The following ERC1 variants were observed in gnomAD, a reference collection of about 807,000 sequenced individuals.
The protein encoded by ERC1 is RAB6 interacting protein 2.
Under a neutral mutation model 132.0 loss-of-function variants are expected in ERC1, and 56 were observed. That is an observed-to-expected ratio of 0.42 (90% CI 0.34 to 0.53). ERC1 has a LOEUF of 0.53. Ranked by LOEUF, ERC1 falls within the 20% of genes least tolerant of loss-of-function variation. The pLI is 0.03. For synonymous variants in ERC1, 478 were observed against 476.1 expected (o/e 1.00, Z -0.05); for missense variants, 1,202 against 1,349.9 (o/e 0.89, Z 1.72).
At chr12:1,199,751 CT>C (rs1324338114) in intron 12 of ERC1, among the ~76,000 whole-genome samples, 1 of 151,264 alleles carries the variant, frequency 6.6e-6, no homozygotes, top group African/African-American at 2.4e-5. Context: ...GCACTTCAGC[CT>C]GGGCAACAAG....
At chr12:1,109,428 A>G (rs1945610574) in intron 4 of ERC1, among the ~76,000 whole-genome samples, 1 of 152,178 alleles carries the variant, frequency 6.6e-6, no homozygotes, top group Admixed American at 6.5e-5. Flanking sequence ...ACGTTACTGT[A>G]TAAATCTTTG....
intron 12 of ERC1, among the ~76,000 whole-genome samples, chr12:1,225,324 C>T (rs995556838): frequency 6.6e-6 from 1 of 151,376 alleles, no homozygotes; most frequent in African/African-American, 2.4e-5. Context: ...GTGATGTGTG[C>T]CTATAGTCCC....
intron 15 of ERC1, among the ~76,000 whole-genome samples, chr12:1,333,356 T>C (rs1372799066): frequency 1.5e-5 from 2 of 131,556 alleles, no homozygotes; most frequent in Non-Finnish European, 3.2e-5. Flanking sequence ...TTTTTTGAGA[T>C]GGAGTCTCAC....
intron 8 of ERC1, among the ~76,000 whole-genome samples, chr12:1,142,578 C>T (rs541725701): frequency 9.2e-5 from 14 of 152,252 alleles, no homozygotes; most frequent in Admixed American, 8.5e-4. Flanking sequence ...AGAGACTGTA[C>T]CAAGTTTCAT....
intron 8 of ERC1, among the ~76,000 whole-genome samples, chr12:1,164,294 GTTATTTTATT>G (rs925886313): frequency 7.5e-6 from 1 of 134,032 alleles, no homozygotes; most frequent in Non-Finnish European, 1.5e-5. Flanking sequence ...ATTTTATTTT[GTTATTTTATT>G]TTATGTTATT....
chr12:1,068,962 GTTGT>G (rs151156229), intron 2 of ERC1, among the ~76,000 whole-genome samples: 2,525 of 152,170 alleles, frequency 0.017, 62 homozygotes, highest in African/African-American at 0.058. Context: ...TTGGCGAATG[GTTGT>G]TTGTTTAAAT....
chr12:1,448,876 G>A (rs732064), intron 18 of ERC1, among the ~76,000 whole-genome samples: 15,169 of 152,256 alleles, frequency 0.1, 2,522 homozygotes, highest in African/African-American at 0.34. Flanking sequence ...TGCACCTTGC[G>A]CCGGGAAAAG....
chr12:1,412,303 GT>G (rs1220878166), intron 17 of ERC1, among the ~76,000 whole-genome samples: 2 of 152,184 alleles, frequency 1.3e-5, no homozygotes, highest in Admixed American at 6.5e-5. Context: ...AAAAACGTGT[GT>G]TTTGCATCTG....
At chr12:1,389,112 G>A (rs1473304002) in intron 16 of ERC1, among the ~76,000 whole-genome samples, 1 of 152,204 alleles carries the variant, frequency 6.6e-6, no homozygotes, top group Non-Finnish European at 1.5e-5. Flanking sequence ...TGGCCAGTCA[G>A]ATGTCTGGTC....
At chr12:1,383,353 G>C (rs117192429) in intron 16 of ERC1, among the ~76,000 whole-genome samples, 1 of 152,138 alleles carries the variant, frequency 6.6e-6, no homozygotes, top group East Asian at 1.9e-4. Context: ...ATTAGTTTGA[G>C]GGTCGTTCCC....
chr12:1,356,389 T>C (rs1183096408), intron 15 of ERC1, among the ~76,000 whole-genome samples: 1 of 152,104 alleles, frequency 6.6e-6, no homozygotes, highest in Non-Finnish European at 1.5e-5. Context: ...ACTTAAAAAA[T>C]TGAGTTTATA....
At chr12:1,295,077 C>T (rs898331121) in intron 15 of ERC1, among the ~76,000 whole-genome samples, 2 of 152,174 alleles carry the variant, frequency 1.3e-5, no homozygotes, top group Non-Finnish European at 2.9e-5. Flanking sequence ...GACTTAGACC[C>T]ACCTCATGAA....
In ERC1 at chr12:1,027,598, A is replaced by G. The variant is rs1187446789; in HGVS notation, c.-156-150A>G. The G allele has an allele frequency of 3.9e-5, 12 of 306,358 alleles. 1 individual carries two copies. The East Asian group carries it at 4.8e-4, about 12-fold the overall frequency. The allele number at this position is 306,358 out of a possible 1,614,324, so 19.0% of individuals were successfully genotyped here. ...AAATATCTCTAAAATATTGTTTACT[A>G]TGAGTACATTATGCTGTAATCACAT... On this transcript the variant is annotated intron_variant, in intron 1 of 18. Coordinates refer to ENST00000360905, the MANE Select transcript of ERC1 (RefSeq NM_178040.4).
intron 15 of ERC1, among the ~76,000 whole-genome samples, chr12:1,321,242 G>C (rs1222386847): frequency 2.0e-5 from 3 of 152,160 alleles, no homozygotes; most frequent in African/African-American, 7.2e-5. Flanking sequence ...AATGAAGCTA[G>C]TAAATGCCTG....
chr12:1,098,572 T>A (rs1944316615), intron 3 of ERC1, among the ~76,000 whole-genome samples: 2 of 152,232 alleles, frequency 1.3e-5, no homozygotes. Flanking sequence ...CTTGAGCCAC[T>A]GGAATGGCAG....
intron 18 of ERC1, among the ~76,000 whole-genome samples, chr12:1,451,518 G>T (rs766648751): frequency 1.1e-4 from 17 of 152,080 alleles, no homozygotes; most frequent in Non-Finnish European, 2.1e-4. Flanking sequence ...CCACCTACTC[G>T]GGAGGCCCAG....
rs1232872275 is a variant in ERC1, at chr12:1,024,519, G to A, written c.-156-3229G>A. The stretch of plus-strand genomic sequence containing the variant: ...AACCTGTTTGACCAGAATAGATACT[G>A]TCTTTAGAATCTCATTTTTGACAAT... On this transcript the variant is annotated intron_variant, in intron 1 of 18. Coordinates refer to ENST00000360905, the MANE Select transcript of ERC1 (RefSeq NM_178040.4). 5.9e-5 allele frequency among the ~76,000 whole-genome samples: 9 copies of A among 152,220 alleles called. No individual in the cohort carries two copies. In the South Asian group the frequency reaches 1.2e-3, roughly 21 times the overall value.
chr12:1,386,414 A>G (rs1355450051), intron 16 of ERC1, among the ~76,000 whole-genome samples: 1 of 151,018 alleles, frequency 6.6e-6, no homozygotes, highest in Non-Finnish European at 1.5e-5. Flanking sequence ...TTGGGACGCC[A>G]AGGCAGGCAG....
chr12:1,144,376 A>C (rs1272481093), intron 8 of ERC1, among the ~76,000 whole-genome samples: 1 of 152,040 alleles, frequency 6.6e-6, no homozygotes, highest in Non-Finnish European at 1.5e-5. Context: ...CACTGTACCC[A>C]ATGTGTAGTC....
Sources: allele counts gnomAD v4.1 joint callset (sites outside exome capture counted in the v4.1 genomes callset), GRCh38; gene constraint gnomAD v4.1.1; transcripts MANE v1.5; gene names NCBI Gene and HGNC (gene_info 2026-07-23, HGNC 2026-07-21).